The following BTBD9 variants were observed in gnomAD, a reference collection of about 807,000 sequenced individuals.
BTBD9 encodes the protein BTB/POZ domain-containing protein 9.
In BTBD9, 49 loss-of-function variants were observed where a neutral mutation model predicts 64.3. That is an observed-to-expected ratio of 0.76 (90% confidence interval 0.61 to 0.97). The LOEUF is 0.97. Among genes scored for constraint, BTBD9 ranks in the 50% least tolerant of loss-of-function variants. The pLI is 0.00. For missense variants in BTBD9, 598 were observed against 762.1 expected (o/e 0.78, Z 2.53); for synonymous variants, 260 against 274.7 (o/e 0.95, Z 0.53).
chr6:38,576,366 T>G (rs1423545214), intron 6 of BTBD9, among the ~76,000 whole-genome samples: 1 of 152,008 alleles, frequency 6.6e-6, no homozygotes, highest in East Asian at 1.9e-4. Context: ...CACTTTAGTC[T>G]GTCTTTGGGG....
At chr6:38,260,227 ACT>A (rs1179458274) in intron 8 of BTBD9, among the ~76,000 whole-genome samples, 2 of 152,120 alleles carry the variant, frequency 1.3e-5, no homozygotes, top group Non-Finnish European at 2.9e-5. Context: ...ATCATTCGTA[ACT>A]CTGACACAGT....
chr6:38,493,748 G>A (rs1371667940), intron 6 of BTBD9, among the ~76,000 whole-genome samples: 5 of 152,292 alleles, frequency 3.3e-5, no homozygotes, highest in African/African-American at 1.2e-4. Context: ...GTGGGGAGAT[G>A]AGCACTGAAC....
Position 38,374,310 on chromosome 6 carries a change from T to C in BTBD9, c.1155-29217A>G, listed in dbSNP as rs1273414529. On this transcript the variant is annotated intron_variant, in intron 6 of 10. Transcript: ENST00000481247. ...ATATATATATATGTATATATATGTA[T>C]ATATATATATATATATGTATATAAA... Among the ~76,000 whole-genome samples, 314 of 102,828 alleles carry C rather than the reference T, an allele frequency of 3.1e-3. 43 individuals are homozygous for C. The highest frequency in any genetic ancestry group is 4.3e-3 in the Non-Finnish European group (224 of 51,892). 67.5% of individuals were successfully genotyped at this position (102,828 alleles called of 152,430 possible).
intron 7 of BTBD9, among the ~76,000 whole-genome samples, chr6:38,324,073 A>G (rs1455582266): frequency 6.6e-6 from 1 of 152,250 alleles, no homozygotes; most frequent in African/African-American, 2.4e-5. Context: ...ACTGAACTCC[A>G]GCCCAGGTGA....
In BTBD9 at chr6:38,566,759, T is replaced by A. The variant is rs185913197; in HGVS notation, c.1154+10841A>T. 3.9e-5 allele frequency among the ~76,000 whole-genome samples: 6 copies of A among 152,328 alleles called. No individual in the cohort carries two copies. The East Asian group carries it at 1.2e-3, about 29-fold the overall frequency. ...CTCATTATCTGTTTTACACTTCAAG[T>A]GTGATTTTAAGCACTGTAGGTATAC... On this transcript the variant is annotated intron_variant, in intron 6 of 10. Coordinates refer to ENST00000481247, the MANE Select transcript of BTBD9 (RefSeq NM_001099272.2).
chr6:38,560,610 C>A (rs1368966968), intron 6 of BTBD9, among the ~76,000 whole-genome samples: 2 of 151,944 alleles, frequency 1.3e-5, no homozygotes, highest in African/African-American at 2.4e-5. Flanking sequence ...TTCAGGGATA[C>A]ATGTGCAGGT....
At chr6:38,392,357 G>A (rs1369095243) in intron 6 of BTBD9, among the ~76,000 whole-genome samples, 3 of 152,202 alleles carry the variant, frequency 2.0e-5, no homozygotes, top group African/African-American at 7.2e-5. Context: ...TGGACTAGGA[G>A]TTTTGTCAGA....
chr6:38,214,486 T>A (rs1273339917), intron 9 of BTBD9, among the ~76,000 whole-genome samples: 1 of 152,166 alleles, frequency 6.6e-6, no homozygotes. Context: ...AAAAACCAGA[T>A]GCCAAGACAG....
chr6:38,347,599 T>A (rs911100147), intron 6 of BTBD9, among the ~76,000 whole-genome samples: 12 of 152,316 alleles, frequency 7.9e-5, no homozygotes, highest in African/African-American at 2.6e-4. Context: ...AGCAAAAAGT[T>A]ATAAATATCC....
At chr6:38,285,007 G>C (rs9380728) in intron 8 of BTBD9, among the ~76,000 whole-genome samples, 1 of 151,876 alleles carries the variant, frequency 6.6e-6, no homozygotes, top group Admixed American at 6.6e-5. Flanking sequence ...AGGGTGGGGA[G>C]GGGTGCACAC....
intron 6 of BTBD9, among the ~76,000 whole-genome samples, chr6:38,447,878 GTAAAT>G (rs1157869238): frequency 1.3e-5 from 2 of 152,214 alleles, no homozygotes; most frequent in Non-Finnish European, 2.9e-5. Context: ...GATACAAAAA[GTAAAT>G]TAAAGTTTTA....
chr6:38,490,615 C>T (rs1374432772), intron 6 of BTBD9, among the ~76,000 whole-genome samples: 8 of 152,092 alleles, frequency 5.3e-5, no homozygotes, highest in East Asian at 1.9e-4. Context: ...TCACTGTGCC[C>T]GGCCGACACA....
At chr6:38,217,280 C>G (rs576295598) in intron 9 of BTBD9, among the ~76,000 whole-genome samples, 2 of 135,472 alleles carry the variant, frequency 1.5e-5, no homozygotes, top group Non-Finnish European at 3.1e-5. Context: ...GATAATGCCA[C>G]TGCACTCCAG....
chr6:38,383,640 T>C (rs985189140), intron 6 of BTBD9, among the ~76,000 whole-genome samples: 26 of 152,194 alleles, frequency 1.7e-4, no homozygotes, highest in Admixed American at 3.3e-4. Flanking sequence ...TAAAATTTTG[T>C]TGAATGACGG....
chr6:38,490,466 G>A (rs1032760587), intron 6 of BTBD9, among the ~76,000 whole-genome samples: 1 of 152,068 alleles, frequency 6.6e-6, no homozygotes, highest in Non-Finnish European at 1.5e-5. Flanking sequence ...GATTACAGGT[G>A]TGCACCACCA....
chr6:38,359,662 C>T (rs1488720010), intron 6 of BTBD9, among the ~76,000 whole-genome samples: 1 of 152,112 alleles, frequency 6.6e-6, no homozygotes, highest in African/African-American at 2.4e-5. Flanking sequence ...CCCTCTGGCC[C>T]GTCATTAGGC....
chr6:38,201,539 T>C (rs1762462867), intron 9 of BTBD9, among the ~76,000 whole-genome samples: 1 of 152,122 alleles, frequency 6.6e-6, no homozygotes, highest in East Asian at 1.9e-4. Context: ...GAACAAGACA[T>C]GGATGCCCAC....
At chr6:38,247,984 T>C (rs373557824) in intron 9 of BTBD9, among the ~76,000 whole-genome samples, 2 of 152,122 alleles carry the variant, frequency 1.3e-5, no homozygotes, top group Non-Finnish European at 2.9e-5. Context: ...AAGAAATACA[T>C]GTAAATTGGT....
chr6:38,307,787 G>A (rs1762679136), intron 7 of BTBD9, among the ~76,000 whole-genome samples: 1 of 152,196 alleles, frequency 6.6e-6, no homozygotes, highest in Non-Finnish European at 1.5e-5. Flanking sequence ...ATAAGAAGAG[G>A]TTAAAACTTC....
Sources: allele counts gnomAD v4.1 joint callset (sites outside exome capture counted in the v4.1 genomes callset), GRCh38; gene constraint gnomAD v4.1.1; transcripts MANE v1.5; gene names NCBI Gene and HGNC (gene_info 2026-07-23, HGNC 2026-07-21).